CADPS2: variants seen among roughly 807,000 people sequenced by gnomAD.
CADPS2 encodes calcium-dependent secretion activator 2.
CADPS2 carries 93 observed loss-of-function variants against 172.5 expected under a neutral mutation model. The ratio of observed to expected loss-of-function variants is 0.54; its 90% confidence interval spans 0.46 to 0.64. The LOEUF (loss-of-function observed/expected upper bound fraction) is 0.64. CADPS2 is among the 30% of genes least tolerant of loss of function. The pLI is 0.00. For missense variants in CADPS2, 1,420 were observed against 1,565.9 expected (o/e 0.91, Z 1.57); for synonymous variants, 546 against 555.2 (o/e 0.98, Z 0.23).
In CADPS2 at chr7:122,747,391, G is replaced by A. The variant is rs190314394; in HGVS notation, c.340-10323C>T. On this transcript the variant is annotated intron_variant, in intron 1 of 29. Transcript: ENST00000449022. ...AAGCCAGAGAAAATTTCTACCCAAC[G>A]CTTTTCTACAAATAATTCCAGTGGA... 1.9e-4 allele frequency among the ~76,000 whole-genome samples: 29 copies of A among 152,160 alleles called. No homozygotes were observed. The East Asian group carries it at 4.4e-3, about 23-fold the overall frequency.
At position 122,886,035 on chromosome 7, in the gene CADPS2, G is replaced by T; in HGVS notation, c.303C>A (p.Ala101=). ...VVRCIAYPFN[A]KQPTDMARRQ... ...TCCGGGCCATGTCGGTGGGCTGCTT[G>T]GCGTTGAAGGGGTACGCGATGCACC... Residue 101 remains alanine, a synonymous_variant, in exon 1 of 30, where the codon GCC becomes GCA. Coordinates refer to ENST00000449022, the MANE Select transcript of CADPS2 (RefSeq NM_017954.11). The T allele has an allele frequency of 6.2e-7, 1 of 1,608,450 alleles. No homozygotes were observed. Among genetic ancestry groups the T allele is most frequent in the Non-Finnish European group, 8.5e-7 (1 of 1,177,830 alleles).
At chr7:122,579,203 T>C (rs1173600144) in intron 7 of CADPS2, among the ~76,000 whole-genome samples, 1 of 151,868 alleles carries the variant, frequency 6.6e-6, no homozygotes, top group African/African-American at 2.4e-5. Context: ...TCAGGCAGGG[T>C]TGATTTTGCA....
At chr7:122,669,611 C>T (rs1330846033) in intron 2 of CADPS2, among the ~76,000 whole-genome samples, 2 of 151,758 alleles carry the variant, frequency 1.3e-5, no homozygotes, top group Non-Finnish European at 2.9e-5. Flanking sequence ...AATGAAGACC[C>T]GTTCTCTTGG....
chr7:122,823,828 G>A (rs1185742913), intron 1 of CADPS2, among the ~76,000 whole-genome samples: 1 of 152,028 alleles, frequency 6.6e-6, no homozygotes, highest in Non-Finnish European at 1.5e-5. Context: ...CTTCTCTTCT[G>A]CCCAGATTCC....
At chr7:122,497,975 T>A (rs1208605567) in intron 9 of CADPS2, among the ~76,000 whole-genome samples, 1 of 152,124 alleles carries the variant, frequency 6.6e-6, no homozygotes, top group Non-Finnish European at 1.5e-5. Context: ...TTGCTTTTTT[T>A]TGAGACATCT....
chr7:122,585,196 G>C (rs2069463677), intron 6 of CADPS2, among the ~76,000 whole-genome samples: 1 of 151,552 alleles, frequency 6.6e-6, no homozygotes, highest in Admixed American at 6.6e-5. Flanking sequence ...ATTTTAAGGG[G>C]GTGCATAAAT....
intron 1 of CADPS2, among the ~76,000 whole-genome samples, chr7:122,763,203 T>C (rs756185763): frequency 1.1e-4 from 17 of 152,150 alleles, no homozygotes; most frequent in Non-Finnish European, 2.1e-4. Context: ...TCATATTGCA[T>C]AGCAACTCCC....
intron 8 of CADPS2, among the ~76,000 whole-genome samples, chr7:122,521,364 C>G (rs191489551): frequency 5.3e-5 from 8 of 151,880 alleles, no homozygotes; most frequent in South Asian, 4.2e-4. Flanking sequence ...CAAATGCCCT[C>G]AGGCACTTTC....
chr7:122,568,620 G>C (rs1057006511), intron 7 of CADPS2, among the ~76,000 whole-genome samples: 1 of 152,086 alleles, frequency 6.6e-6, no homozygotes, highest in Non-Finnish European at 1.5e-5. Flanking sequence ...CATTTCAACA[G>C]ACTGTGCTAG....
chr7:122,481,450 A>G (rs1270994753), intron 11 of CADPS2, among the ~76,000 whole-genome samples: 1 of 152,154 alleles, frequency 6.6e-6, no homozygotes, highest in East Asian at 1.9e-4. Flanking sequence ...TGTTAGAAAC[A>G]GATGATAGGG....
intron 1 of CADPS2, among the ~76,000 whole-genome samples, chr7:122,749,291 C>A (rs1376339301): frequency 6.6e-6 from 1 of 152,056 alleles, no homozygotes; most frequent in Non-Finnish European, 1.5e-5. Context: ...AAGAGGAACC[C>A]AGCCACCACT....
At chr7:122,829,183 T>C (rs1028964158) in intron 1 of CADPS2, among the ~76,000 whole-genome samples, 4 of 152,178 alleles carry the variant, frequency 2.6e-5, no homozygotes, top group African/African-American at 4.8e-5. Flanking sequence ...TCAGTAATAA[T>C]AGAACCTAGG....
intron 8 of CADPS2, among the ~76,000 whole-genome samples, chr7:122,544,123 T>C (rs2063377402): frequency 1.3e-5 from 2 of 152,154 alleles, no homozygotes; most frequent in Admixed American, 6.6e-5. Context: ...AGGAGACATG[T>C]ACAAGAATGT....
chr7:122,814,320 A>C (rs1040432229), intron 1 of CADPS2, among the ~76,000 whole-genome samples: 2 of 152,054 alleles, frequency 1.3e-5, no homozygotes, highest in East Asian at 3.9e-4. Context: ...TTCTTAACTT[A>C]GTGAAGCTCA....
At chr7:122,438,213 T>C (rs1239504389) in intron 17 of CADPS2, 128 bp downstream of exon 17, 1 of 1,190,982 alleles carries the variant, frequency 8.4e-7, no homozygotes, top group Non-Finnish European at 1.2e-6. Flanking sequence ...AGCTGAGATT[T>C]TAATGAGACA....
chr7:122,387,411 T>C (rs1009818651), intron 23 of CADPS2, among the ~76,000 whole-genome samples: 1 of 152,010 alleles, frequency 6.6e-6, no homozygotes, highest in African/African-American at 2.4e-5. Context: ...TCAGGCAGTA[T>C]TGCCACCCAA....
chr7:122,567,201 A>C (rs2066583014), intron 7 of CADPS2, among the ~76,000 whole-genome samples: 1 of 152,144 alleles, frequency 6.6e-6, no homozygotes, highest in Non-Finnish European at 1.5e-5. Context: ...AAACTAATTT[A>C]TCTAGTAGCT....
chr7:122,456,022 G>A (rs1382981052), intron 14 of CADPS2, among the ~76,000 whole-genome samples: 1 of 152,116 alleles, frequency 6.6e-6, no homozygotes, highest in African/African-American at 2.4e-5. Context: ...TTTATTATAT[G>A]ATAGTTGGTA....
intron 2 of CADPS2, among the ~76,000 whole-genome samples, chr7:122,692,536 G>A (rs751741430): frequency 6.6e-5 from 10 of 152,144 alleles, no homozygotes; most frequent in East Asian, 5.8e-4. Flanking sequence ...TGCCTCCCAC[G>A]TTTCCACTGG....
Sources: gnomAD v4.1 joint callset for allele counts (sites outside exome capture counted in the v4.1 genomes callset) on GRCh38, gnomAD v4.1.1 for gene constraint, MANE v1.5 for transcripts, NCBI Gene and HGNC (gene_info 2026-07-23, HGNC 2026-07-21) for gene names.